Variants in SMARCA2 observed in about 807,000 individuals in gnomAD.
SMARCA2 encodes SWI/SNF related BAF chromatin remodeling complex subunit ATPase 2.
Under a neutral mutation model 199.8 loss-of-function variants are expected in SMARCA2, and 61 were observed. That is an observed-to-expected ratio of 0.31 (90% CI 0.25 to 0.38). The LOEUF is 0.38. Among genes scored for constraint, SMARCA2 ranks in the 10% least tolerant of loss-of-function variants. The pLI is 1.00. For missense variants in SMARCA2, 1,344 were observed against 2,012.2 expected, an observed-to-expected ratio of 0.67 and a Z score of 6.35; for synonymous variants, 935 against 732.0, an observed-to-expected ratio of 1.28 and a Z score of -4.48.
At chr9:2,069,448 A>G (rs921708355) in intron 9 of SMARCA2, among the ~76,000 whole-genome samples, 7 of 151,596 alleles carry the variant, frequency 4.6e-5, no homozygotes, top group African/African-American at 1.7e-4. Flanking sequence ...AGTCCCAGCT[A>G]CTTGGGAGGC....
intron 29 of SMARCA2, among the ~76,000 whole-genome samples, chr9:2,178,518 A>G (rs1826781873): frequency 6.6e-6 from 1 of 152,206 alleles, no homozygotes; most frequent in African/African-American, 2.4e-5. Flanking sequence ...CACCTTCTGT[A>G]AACAACATTG....
chr9:2,098,179 A>G (rs1822355188), intron 21 of SMARCA2, among the ~76,000 whole-genome samples: 1 of 152,336 alleles, frequency 6.6e-6, no homozygotes, highest in East Asian at 1.9e-4. Context: ...TGCTGAGGCA[A>G]ATGGTCCTGG....
intron 27 of SMARCA2, among the ~76,000 whole-genome samples, chr9:2,140,994 G>A (rs1207695909): frequency 1.3e-5 from 2 of 152,064 alleles, no homozygotes; most frequent in Admixed American, 1.3e-4. Context: ...CTCTGAACCG[G>A]CCTTTGGTAT....
At position 2,110,710 on chromosome 9, in the gene SMARCA2, C is replaced by A. The variant is rs772729513; in HGVS notation, c.3456+293C>A. On this transcript the variant is annotated intron_variant, in intron 24 of 33. Transcript: ENST00000349721. The surrounding 1 kb of genome is among the most constrained non-coding windows in gnomAD (Gnocchi z 4.8). ...AAAGTATATTTAATGAGGGATAAGTCAAAAATGTTGCAAAATCATAGCAGT... is the reference window on the plus strand; with the variant it reads ...AAAGTATATTTAATGAGGGATAAGTAAAAAATGTTGCAAAATCATAGCAGT... 1.2e-4 allele frequency among the ~76,000 whole-genome samples: 18 copies of A among 152,152 alleles called. No individual in the cohort carries two copies. Among genetic ancestry groups the A allele is most frequent in the Non-Finnish European group, 1.6e-4 (11 of 68,034 alleles).
intron 2 of SMARCA2, among the ~76,000 whole-genome samples, chr9:2,029,847 A>G (rs1818985884): frequency 6.6e-6 from 1 of 152,270 alleles, no homozygotes; most frequent in South Asian, 2.1e-4. Context: ...TTTCTGGACT[A>G]AGGTTGTAAT....
At chr9:2,052,530 A>G (rs1820168106) in intron 5 of SMARCA2, among the ~76,000 whole-genome samples, 1 of 152,240 alleles carries the variant, frequency 6.6e-6, no homozygotes, top group Admixed American at 6.5e-5. Context: ...TAATATTAAC[A>G]CATTATGATG....
intron 27 of SMARCA2, among the ~76,000 whole-genome samples, chr9:2,136,171 A>T (rs1824185645): frequency 6.7e-6 from 1 of 148,330 alleles, no homozygotes; most frequent in Non-Finnish European, 1.5e-5. Flanking sequence ...TTTTAATAAT[A>T]ATTATCCCCT....
chr9:2,155,844 C>G (rs577631001), intron 27 of SMARCA2, among the ~76,000 whole-genome samples: 1 of 139,572 alleles, frequency 7.2e-6, no homozygotes, highest in African/African-American at 2.6e-5. Context: ...ATTTTCTTCC[C>G]CTTTATGGTC....
At chr9:2,065,527 T>C (rs1247089254) in intron 9 of SMARCA2, among the ~76,000 whole-genome samples, 1 of 152,216 alleles carries the variant, frequency 6.6e-6, no homozygotes, top group East Asian at 1.9e-4. Context: ...TGAACCTTCC[T>C]GGCATAATGT....
In SMARCA2 at chr9:2,026,942, T is replaced by C. The variant is rs548861096; in HGVS notation, c.-36-2045T>C. 2.0e-3 allele frequency among the ~76,000 whole-genome samples: 308 copies of C among 152,312 alleles called. 1 individual carries two copies. Among genetic ancestry groups the C allele is most frequent in the African/African-American group, 6.9e-3 (287 of 41,564 alleles). On this transcript the variant is annotated intron_variant, in intron 1 of 33. Coordinates refer to ENST00000349721, the MANE Select transcript of SMARCA2 (RefSeq NM_003070.5). ...CAAGGCTGTAATTCACTGTTGAGGCTCCCCTGTTGTTTAGAAGCCACTTGT... is the reference window on the plus strand; with the variant it reads ...CAAGGCTGTAATTCACTGTTGAGGCCCCCCTGTTGTTTAGAAGCCACTTGT...
intron 19 of SMARCA2, among the ~76,000 whole-genome samples, chr9:2,091,277 C>T (rs140353802): frequency 7.1e-4 from 108 of 152,252 alleles, no homozygotes; most frequent in Non-Finnish European, 1.3e-3. Flanking sequence ...AACCCTCCCT[C>T]GGCTCGTAGC....
intron 21 of SMARCA2, among the ~76,000 whole-genome samples, chr9:2,101,368 C>T (rs1366783540): frequency 6.6e-6 from 1 of 152,058 alleles, no homozygotes; most frequent in Non-Finnish European, 1.5e-5. Flanking sequence ...AGAAGAAACT[C>T]ACAGGATACT....
intron 27 of SMARCA2, among the ~76,000 whole-genome samples, chr9:2,134,885 T>C (rs1563792359): frequency 1.3e-5 from 2 of 152,162 alleles, no homozygotes; most frequent in Non-Finnish European, 2.9e-5. Context: ...AATCCAATCA[T>C]GCTATACCCT....
rs530605135 is a variant in SMARCA2, at chr9:2,148,168, A to C, written c.3982-13518A>C. 2.6e-5 allele frequency among the ~76,000 whole-genome samples: 4 copies of C among 151,788 alleles called. No individual in the cohort carries two copies. The East Asian group carries it at 7.7e-4, about 29-fold the overall frequency. The stretch of plus-strand genomic sequence containing the variant: ...GTTCATGCTCTTTATAGAACTAAGA[A>C]CCCAATTTCTTCTCACAGTTACATT... On this transcript the variant is annotated intron_variant, in intron 27 of 33. Transcript: ENST00000349721.
At chr9:2,192,354 CT>C in intron 33 of SMARCA2, 1 of 269,112 alleles carries the variant, frequency 3.7e-6, no homozygotes, top group South Asian at 4.7e-5. Flanking sequence ...ATACATTTTT[CT>C]TTAGGAGATG....
At chr9:2,057,044 C>A (rs1398677084) in intron 7 of SMARCA2, among the ~76,000 whole-genome samples, 199 bp downstream of exon 7, 1 of 152,126 alleles carries the variant, frequency 6.6e-6, no homozygotes, top group Non-Finnish European at 1.5e-5. Context: ...GTATAAATGA[C>A]TGCCCAAGGT....
At chr9:2,027,242 G>A (rs894728476) in intron 1 of SMARCA2, among the ~76,000 whole-genome samples, 3 of 152,062 alleles carry the variant, frequency 2.0e-5, no homozygotes, top group Non-Finnish European at 2.9e-5. Flanking sequence ...AGGAGTTCAA[G>A]ACCAGCCTGG....
intron 27 of SMARCA2, among the ~76,000 whole-genome samples, chr9:2,156,496 C>G (rs1484982396): frequency 7.9e-6 from 1 of 127,142 alleles, no homozygotes; most frequent in Non-Finnish European, 1.5e-5. Flanking sequence ...ATGGCACAAT[C>G]TTGGCTAATT....
Position 2,104,766 on chromosome 9 carries a change from A to T in SMARCA2, c.3292+597A>T, listed in dbSNP as rs186861636. ...GTGTCCTAAAAATTAGTAAGAAAAA[A>T]TATTAATGGAAGCAAATATGATTTT... On this transcript the variant is annotated intron_variant, in intron 23 of 33. Coordinates refer to ENST00000349721, the MANE Select transcript of SMARCA2 (RefSeq NM_003070.5). The surrounding 1 kb of genome is among the most constrained non-coding windows in gnomAD (Gnocchi z 4.0). Among the ~76,000 whole-genome samples, 7 of 152,332 alleles carry T rather than the reference A, an allele frequency of 4.6e-5. No individual in the cohort carries two copies. The highest frequency in any genetic ancestry group is 8.8e-5 in the Non-Finnish European group (6 of 68,022).
Sources: allele counts gnomAD v4.1 joint callset (sites outside exome capture counted in the v4.1 genomes callset), GRCh38; gene constraint gnomAD v4.1.1; non-coding constraint Gnocchi (gnomAD v3.1); transcripts MANE v1.5; gene names NCBI Gene and HGNC (gene_info 2026-07-23, HGNC 2026-07-21).